Variants in PPP1R37 observed in about 807,000 individuals in gnomAD.
PPP1R37 encodes the protein protein phosphatase 1 regulatory subunit 37.
In PPP1R37, 21 loss-of-function variants were observed where a neutral mutation model predicts 61.0. That is an observed-to-expected ratio of 0.34 (90% CI 0.24 to 0.50). The LOEUF is 0.50. Ranked by LOEUF, PPP1R37 falls within the 20% of genes least tolerant of loss-of-function variation. The probability of loss-of-function intolerance (pLI) is 0.98; values close to 1 mark genes in which losing one functional copy is unlikely to be tolerated. For missense variants in PPP1R37, 910 were observed against 952.7 expected, an observed-to-expected ratio of 0.96 and a Z score of 0.59; for synonymous variants, 443 against 433.5, an observed-to-expected ratio of 1.02 and a Z score of -0.27.
chr19:45,140,398 G>C, intron 3 of PPP1R37, 108 bp from the exon 4 acceptor site: 1 of 1,290,762 alleles, frequency 7.7e-7, no homozygotes, highest in Non-Finnish European at 1.1e-6. Flanking sequence ...GCTCAGCCAG[G>C]GCAGGGGCTG....
chr19:45,104,008 G>A (rs773230291), intron 1 of PPP1R37, among the ~76,000 whole-genome samples: 1 of 152,044 alleles, frequency 6.6e-6, no homozygotes, highest in African/African-American at 2.4e-5. Flanking sequence ...AGACACAGGC[G>A]CCTCTGCCTA....
chr19:45,116,701 G>A (rs796647119), intron 1 of PPP1R37, among the ~76,000 whole-genome samples: 34 of 152,260 alleles, frequency 2.2e-4, no homozygotes, highest in African/African-American at 7.0e-4. Context: ...CGGTGCATTC[G>A]TTCATTCATA....
chr19:45,114,964 A>G (rs1968246282), intron 1 of PPP1R37, among the ~76,000 whole-genome samples: 1 of 152,130 alleles, frequency 6.6e-6, no homozygotes, highest in Non-Finnish European at 1.5e-5. Flanking sequence ...GCCCTGGGCT[A>G]GGGGACAGTC....
intron 1 of PPP1R37, among the ~76,000 whole-genome samples, chr19:45,123,872 AG>A (rs2122733496): frequency 6.6e-6 from 1 of 152,258 alleles, no homozygotes; most frequent in Admixed American, 6.5e-5. Flanking sequence ...AAGTCCCCGC[AG>A]TAATCTTCCT....
At chr19:45,122,705 G>C (rs1006465299) in intron 1 of PPP1R37, among the ~76,000 whole-genome samples, 1 of 152,058 alleles carries the variant, frequency 6.6e-6, no homozygotes, top group African/African-American at 2.4e-5. Flanking sequence ...CTCTGGGCAG[G>C]GGGTAACAGG....
intron 11 of PPP1R37, 72 bp downstream of exon 11, chr19:45,146,121 G>T (rs777929764): frequency 2.8e-6 from 4 of 1,410,234 alleles, no homozygotes; most frequent in East Asian, 2.5e-5. Flanking sequence ...GCCCCTGCCT[G>T]TTGTGGACCT....
At chr19:45,135,472 A>C (rs1357507337) in intron 1 of PPP1R37, among the ~76,000 whole-genome samples, 1 of 152,220 alleles carries the variant, frequency 6.6e-6, no homozygotes, top group Non-Finnish European at 1.5e-5. Flanking sequence ...CAAACGATTT[A>C]GTTCCGTTAG....
At chr19:45,120,502 TG>T (rs1351116528) in intron 1 of PPP1R37, among the ~76,000 whole-genome samples, 1 of 152,238 alleles carries the variant, frequency 6.6e-6, no homozygotes, top group African/African-American at 2.4e-5. Flanking sequence ...GTGGATATTG[TG>T]GTTGGTTCCG....
chr19:45,134,557 A>G (rs897675719), intron 1 of PPP1R37, among the ~76,000 whole-genome samples: 2 of 146,594 alleles, frequency 1.4e-5, no homozygotes, highest in Admixed American at 1.4e-4. Context: ...TGGTGTGCTC[A>G]TTCCTTTTTT....
chr19:45,128,843 T>A (rs1568447034), intron 1 of PPP1R37: 2 of 622,520 alleles, frequency 3.2e-6, no homozygotes, highest in Non-Finnish European at 6.0e-6. Context: ...CCCAGTTGAT[T>A]GGCATCCAGG....
In PPP1R37 at chr19:45,123,066, C is replaced by A. The variant is rs925195455; in HGVS notation, c.203-15448C>A. ...CCAGATGCCTCCCGCTGCAGCTGAT[C>A]CCAGCCTGGCCATCCTCCCCGCCTC... is the stretch of plus-strand genomic sequence containing the variant. On this transcript the variant is annotated intron_variant, in intron 1 of 12. Coordinates refer to ENST00000221462, the MANE Select transcript of PPP1R37 (RefSeq NM_019121.2). Among the ~76,000 whole-genome samples the A allele has an allele frequency of 3.3e-5, 5 of 152,316 alleles. No individual in the cohort carries two copies. The East Asian group carries it at 5.8e-4, about 18-fold the overall frequency.
At chr19:45,106,504 A>G (rs1968133044) in intron 1 of PPP1R37, among the ~76,000 whole-genome samples, 1 of 151,924 alleles carries the variant, frequency 6.6e-6, no homozygotes, top group South Asian at 2.1e-4. Flanking sequence ...TCGGCCTCCC[A>G]AAGCTCTGGG....
chr19:45,124,960 G>C (rs1968385555), intron 1 of PPP1R37, among the ~76,000 whole-genome samples: 1 of 151,982 alleles, frequency 6.6e-6, no homozygotes, highest in African/African-American at 2.4e-5. Context: ...GACAGATGGG[G>C]ACCCCCCAAA....
At chr19:45,123,695 G>A (rs1968368175) in intron 1 of PPP1R37, among the ~76,000 whole-genome samples, 1 of 152,226 alleles carries the variant, frequency 6.6e-6, no homozygotes, top group Non-Finnish European at 1.5e-5. Context: ...AGAGTGCCTG[G>A]TAGGGAAGGG....
At chr19:45,118,465 G>T (rs1235537885) in intron 1 of PPP1R37, among the ~76,000 whole-genome samples, 1 of 152,114 alleles carries the variant, frequency 6.6e-6, no homozygotes, top group East Asian at 1.9e-4. Flanking sequence ...TCAGGGATGT[G>T]ACCTTTCTGA....
intron 4 of PPP1R37, 160 bp downstream of exon 4, chr19:45,140,766 A>G (rs190150031): frequency 3.8e-4 from 232 of 614,174 alleles, no homozygotes; most frequent in African/African-American, 3.4e-3. Context: ...GAGACATCCA[A>G]TATGACCAGA....
At chr19:45,115,606 A>G (rs759281526) in intron 1 of PPP1R37, among the ~76,000 whole-genome samples, 17 of 152,124 alleles carry the variant, frequency 1.1e-4, no homozygotes, top group Admixed American at 3.3e-4. Flanking sequence ...AACCCTACCT[A>G]TCTTAGGGTT....
chr19:45,138,701 C>A, intron 2 of PPP1R37, 90 bp downstream of exon 2: 3 of 769,240 alleles, frequency 3.9e-6, no homozygotes, highest in Non-Finnish European at 6.4e-6. Context: ...GCCTCCCACT[C>A]CCCAGCCCCA....
At chr19:45,129,742 GC>G (rs1157369814) in intron 1 of PPP1R37, among the ~76,000 whole-genome samples, 1 of 152,136 alleles carries the variant, frequency 6.6e-6, no homozygotes, top group Non-Finnish European at 1.5e-5. Context: ...ACTAAGGCCA[GC>G]CCCCTGCCGT....
Sources: allele counts gnomAD v4.1 joint callset (sites outside exome capture counted in the v4.1 genomes callset), GRCh38; gene constraint gnomAD v4.1.1; transcripts MANE v1.5; gene names NCBI Gene and HGNC (gene_info 2026-07-23, HGNC 2026-07-21).